ALOX15B: variants seen among roughly 807,000 people sequenced by gnomAD.
ALOX15B encodes the protein arachidonate 15-lipoxygenase type B.
Under a neutral mutation model 73.8 loss-of-function variants are expected in ALOX15B, and 74 were observed. That is an observed-to-expected ratio of 1.00 (90% confidence interval 0.83 to 1.22). The LOEUF (loss-of-function observed/expected upper bound fraction) is 1.22. ALOX15B is among the 50% of genes most tolerant of loss of function. ALOX15B has a pLI of 0.00. For synonymous variants in ALOX15B, 353 were observed against 357.2 expected (o/e 0.99, Z 0.13); for missense variants, 896 against 859.9 (o/e 1.04, Z -0.52).
intron 6 of ALOX15B, 109 bp downstream of exon 6, chr17:8,045,110 G>A (rs780075037): frequency 4.8e-5 from 76 of 1,583,416 alleles, no homozygotes; most frequent in Middle Eastern, 1.9e-4. Flanking sequence ...GACCTACCGC[G>A]TGCTGCGTGC....
intron 5 of ALOX15B, among the ~76,000 whole-genome samples, chr17:8,044,105 GAGGAAGGA>G (rs556498649): frequency 0.039 from 2,433 of 62,356 alleles, 63 homozygotes; most frequent in Non-Finnish European, 0.053. Flanking sequence ...GAGAGAGAGA[GAGGAAGGA>G]AGGAAGGAAG....
chr17:8,042,424 G>A lies in ALOX15B; in HGVS notation c.505G>A (p.Asp169Asn). The A allele has an allele frequency of 1.9e-6, 3 of 1,614,106 alleles. No homozygotes were observed. Among genetic ancestry groups the A allele is most frequent in the Non-Finnish European group, 2.5e-6 (3 of 1,180,034 alleles). The change falls in exon 4 of 14, where the codon GAC (aspartate) becomes AAC (asparagine). Residue 169 changes from aspartate to asparagine, a missense_variant. Transcript: ENST00000380183. ...PHCLDEKTVEDLELNIKYSTA... is the reference protein window; with the variant it reads ...PHCLDEKTVENLELNIKYSTA... ...CTGCCTGGATGAAAAGACAGTGGAA[G>A]ACTTGGAGCTCAATATCAAATACTC...
intron 10 of ALOX15B, 59 bp downstream of exon 10, chr17:8,047,135 G>A: frequency 6.2e-7 from 1 of 1,609,896 alleles, no homozygotes; most frequent in Non-Finnish European, 8.5e-7. Flanking sequence ...GACAGGAAAG[G>A]AGACTGAGGC....
intron 3 of ALOX15B, 23 bp downstream of exon 3, chr17:8,040,006 G>A (rs1976393736): frequency 6.2e-7 from 1 of 1,609,330 alleles, no homozygotes; most frequent in East Asian, 2.2e-5. Context: ...TTACTGATGG[G>A]GGAGGGTGTG....
At chr17:8,040,645 A>AAGAAAGAAAGAG in intron 3 of ALOX15B, among the ~76,000 whole-genome samples, 1 of 122,808 alleles carries the variant, frequency 8.1e-6, no homozygotes, top group South Asian at 2.4e-4. Flanking sequence ...GAAAGAAAGA[A>AAGAAAGAAAGAG]AGAAAGAAAA....
Position 8,047,886 on chromosome 17 carries a change from T to A in ALOX15B, c.1822T>A (p.Trp608Arg). 3.1e-6 allele frequency: 5 copies of A among 1,614,174 alleles called. No homozygotes were observed. Among genetic ancestry groups the A allele is most frequent in the Non-Finnish European group, 4.2e-6 (5 of 1,180,012 alleles). ...CACATGTGATGTCATCCTTGCTCTC[T>A]GGTTGCTGAGCAAGGAGCCTGGAGA... is the stretch of plus-strand genomic sequence containing the variant. ...NATCDVILAL[W>R]LLSKEPGDQR... Residue 608 changes from tryptophan to arginine, a missense_variant, in exon 13 of 14, where the codon TGG becomes AGG. Trp to Arg is a moderately radical substitution (Grantham distance 101). Coordinates refer to ENST00000380183, the MANE Select transcript of ALOX15B (RefSeq NM_001141.3).
At chr17:8,039,654 AGGGGACTGGGGGTT>A in intron 2 of ALOX15B, 49 bp downstream of exon 2, 2 of 616,928 alleles carry the variant, frequency 3.2e-6, no homozygotes, top group Non-Finnish European at 5.5e-6. Context: ...AGGAAGGGGT[AGGGGACTGGGGGTT>A]GGGGAGAAGG....
chr17:8,048,339 G>T, intron 13 of ALOX15B, 47 bp from the exon 14 acceptor site: 1 of 1,574,696 alleles, frequency 6.4e-7, no homozygotes, highest in Non-Finnish European at 8.6e-7. Context: ...AGTCTGGGAT[G>T]CAGGACCTCA....
intron 7 of ALOX15B, 34 bp downstream of exon 7, chr17:8,045,418 G>T: frequency 1.2e-6 from 2 of 1,613,740 alleles, no homozygotes; most frequent in Non-Finnish European, 8.5e-7. Flanking sequence ...GCAGCGTGAA[G>T]AAGAGTCAGG....
At chr17:8,045,174 C>T in intron 6 of ALOX15B, 64 bp from the exon 7 acceptor site, 1 of 1,610,780 alleles carries the variant, frequency 6.2e-7, no homozygotes, top group Non-Finnish European at 8.5e-7. Flanking sequence ...CCTCTCCCTT[C>T]TACAACTGCA....
chr17:8,044,689 A>G, intron 5 of ALOX15B, 140 bp from the exon 6 acceptor site: 1 of 698,018 alleles, frequency 1.4e-6, no homozygotes. Context: ...GACAAGGGGC[A>G]GGGGAGGTAA....
At chr17:8,042,570 C>G in intron 4 of ALOX15B, 79 bp downstream of exon 4, 2 of 1,554,894 alleles carry the variant, frequency 1.3e-6, no homozygotes, top group Non-Finnish European at 1.8e-6. Context: ...CTAGTCAGTT[C>G]CCCCACCCTC....
In ALOX15B at chr17:8,047,373, A is replaced by G; in HGVS notation, c.1573A>G (p.Ser525Gly). Residue 525 changes from serine to glycine, a missense_variant, in exon 11 of 14, where the codon AGC (serine) becomes GGC (glycine). Transcript: ENST00000380183. Reference protein sequence around the residue: ...IFSKGFLNQESSGIPSSLETR... With the variant: ...IFSKGFLNQEGSGIPSSLETR... Reference sequence around the variant, plus strand: ...CTCCAAGGGCTTCCTAAACCAGGAGAGCTCAGGTACAGGGACCTCAGCCCT... The same window carrying G: ...CTCCAAGGGCTTCCTAAACCAGGAGGGCTCAGGTACAGGGACCTCAGCCCT... The G allele has an allele frequency of 6.2e-7, 1 of 1,613,864 alleles. No homozygotes were observed. Among genetic ancestry groups the G allele is most frequent in the Non-Finnish European group, 8.5e-7 (1 of 1,179,936 alleles).
In ALOX15B at chr17:8,047,897, C is replaced by T; in HGVS notation, c.1833C>T (p.Ser611=). The T allele has an allele frequency of 6.2e-7, 1 of 1,614,090 alleles. No individual in the cohort carries two copies. Among genetic ancestry groups the T allele is most frequent in the Non-Finnish European group, 8.5e-7 (1 of 1,179,982 alleles). ...CDVILALWLL[S]KEPGDQRPLG... is the part of the protein sequence containing the mutation. ...TCATCCTTGCTCTCTGGTTGCTGAGCAAGGAGCCTGGAGACCAAGTGAGTG... is the reference window on the plus strand; with the variant it reads ...TCATCCTTGCTCTCTGGTTGCTGAGTAAGGAGCCTGGAGACCAAGTGAGTG... The change falls in exon 13 of 14, where the codon AGC becomes AGT. Residue 611 remains serine (S), a synonymous_variant. Coordinates refer to ENST00000380183, the MANE Select transcript of ALOX15B (RefSeq NM_001141.3).
chr17:8,045,467 A>T lies in ALOX15B; in HGVS notation c.997-16A>T. On this transcript the variant is annotated splice_polypyrimidine_tract_variant and intron_variant, in intron 7 of 13. Transcript: ENST00000380183. Reference sequence around the variant, plus strand: ...GACACTCATGGCTGCCTCTCTCCCCACCTGCCTCCCCCCAGCTCAGCCAGA... The same window carrying T: ...GACACTCATGGCTGCCTCTCTCCCCTCCTGCCTCCCCCCAGCTCAGCCAGA... The T allele has an allele frequency of 6.2e-7, 1 of 1,613,404 alleles. No homozygotes were observed. Among genetic ancestry groups the T allele is most frequent in the Non-Finnish European group, 8.5e-7 (1 of 1,179,834 alleles).
chr17:8,043,932 G>A (rs920625996), intron 5 of ALOX15B, among the ~76,000 whole-genome samples: 2 of 152,246 alleles, frequency 1.3e-5, no homozygotes, highest in Non-Finnish European at 2.9e-5. Context: ...AGCCAGGTGT[G>A]GTGGCATGGG....
chr17:8,039,827 C>A (rs562473293), intron 2 of ALOX15B, 75 bp from the exon 3 acceptor site: 2 of 1,447,758 alleles, frequency 1.4e-6, no homozygotes, highest in East Asian at 2.3e-5. Flanking sequence ...GGGTGGCAAT[C>A]GTGGAGACTG....
Position 8,042,874 on chromosome 17 carries a change from C to T in ALOX15B, c.666C>T (p.Thr222=), listed in dbSNP as rs1976500699. The change falls in exon 5 of 14, where the codon ACC becomes ACT. Residue 222 remains threonine (T), a synonymous_variant. Transcript: ENST00000380183. ...EMKRIFNFRR[T]PAAEHAFEHW... ...AAAGGATCTTCAACTTCCGGAGGAC[C>T]CCAGCAGCTGGTGAGGAGCTTGGGC... 6 of 1,552,320 alleles carry T rather than the reference C, an allele frequency of 3.9e-6. No homozygotes were observed. The highest frequency in any genetic ancestry group is 5.2e-6 in the Non-Finnish European group (6 of 1,147,456).
intron 5 of ALOX15B, 21 bp from the exon 6 acceptor site, chr17:8,044,808 C>T (rs1402609179): frequency 6.9e-6 from 11 of 1,600,144 alleles, no homozygotes; most frequent in Non-Finnish European, 9.4e-6. Flanking sequence ...ACCCCGTTCC[C>T]CTGTCCCCCA....
Sources: gnomAD v4.1 joint callset for allele counts (sites outside exome capture counted in the v4.1 genomes callset) on GRCh38, gnomAD v4.1.1 for gene constraint, MANE v1.5 for transcripts, NCBI Gene and HGNC (gene_info 2026-07-23, HGNC 2026-07-21) for gene names.